Variants in PALS2 observed in about 807,000 individuals in gnomAD.
PALS2 encodes the protein protein associated with LIN7 2, MAGUK p55 family member, also known as protein PALS2.
A neutral mutation model predicts 61.6 loss-of-function variants in PALS2; 27 were observed. That is an observed-to-expected ratio of 0.44 (90% CI 0.32 to 0.60). The LOEUF (loss-of-function observed/expected upper bound fraction) is 0.60, where lower values mean the gene tolerates loss of function less well. PALS2 is among the 20% of genes least tolerant of loss of function. The pLI, the probability that PALS2 is intolerant of heterozygous loss-of-function variation, is 0.05. For synonymous variants in PALS2, 236 were observed against 218.6 expected (o/e 1.08, Z -0.70); for missense variants, 554 against 639.4 (o/e 0.87, Z 1.44).
In PALS2 at chr7:24,675,174, C is replaced by T. The variant is rs146819575; in HGVS notation, c.1115-3957C>T. ...ATTTCTCTAAGAATTAAGATTCCCT[C>T]AGCATGGAGGTAGAGGTAATACATG... On this transcript the variant is annotated intron_variant, in intron 9 of 11. Coordinates refer to ENST00000222644, the MANE Select transcript of PALS2 (RefSeq NM_001303037.2). Among the ~76,000 whole-genome samples the T allele has an allele frequency of 3.0e-3, 461 of 152,186 alleles. 1 individual carries two copies. The highest frequency in any genetic ancestry group is 5.1e-3 in the Non-Finnish European group (349 of 67,982).
At chr7:24,639,818 T>A (rs1268228202) in intron 2 of PALS2, among the ~76,000 whole-genome samples, 1 of 126,370 alleles carries the variant, frequency 7.9e-6, no homozygotes, top group Non-Finnish European at 1.7e-5. Flanking sequence ...AGTCTAATTT[T>A]TTTTTTTTTT....
At chr7:24,626,823 T>G (rs924149340) in intron 2 of PALS2, among the ~76,000 whole-genome samples, 5 of 152,210 alleles carry the variant, frequency 3.3e-5, no homozygotes, top group African/African-American at 1.2e-4. Flanking sequence ...AAGAGCTAAC[T>G]ATCCTAAGTA....
Position 24,661,555 on chromosome 7 carries a change from C to CT in PALS2, c.652-2034dup, listed in dbSNP as rs570980601. 3.9e-3 allele frequency among the ~76,000 whole-genome samples: 593 copies of CT among 152,246 alleles called. 3 individuals are homozygous for CT. Among genetic ancestry groups the CT allele is most frequent in the African/African-American group, 0.013 (550 of 41,556 alleles). The stretch of plus-strand genomic sequence containing the variant: ...ATGGTTAGATGACAGGATTCTCTTG[C>CT]TATTCTTCAATCACTGCATCTTTCT... On this transcript the variant is annotated intron_variant, in intron 5 of 11. Coordinates refer to ENST00000222644, the MANE Select transcript of PALS2 (RefSeq NM_001303037.2).
At chr7:24,676,027 A>G (rs1202315000) in intron 9 of PALS2, among the ~76,000 whole-genome samples, 2 of 148,444 alleles carry the variant, frequency 1.3e-5, no homozygotes, top group Non-Finnish European at 3.0e-5. Context: ...AAGTGTTCCT[A>G]TTTCTCCACA....
intron 5 of PALS2, among the ~76,000 whole-genome samples, chr7:24,662,548 G>T (rs959624704): frequency 9.9e-5 from 15 of 152,120 alleles, no homozygotes; most frequent in South Asian, 8.3e-4. Context: ...GTGGGCAGAT[G>T]ACTTGAGATC....
Position 24,641,805 on chromosome 7 carries a change from T to C in PALS2, c.207T>C (p.Pro69=). ...LVNEILEDIT[P]LINVDENVAE... Reference sequence around the variant, plus strand: ...ATGAAATTCTTGAAGACATCACTCCTCTAATAAATGTGGATGAAAATGTGG... The same window carrying C: ...ATGAAATTCTTGAAGACATCACTCCCCTAATAAATGTGGATGAAAATGTGG... Residue 69 remains proline (P), a synonymous_variant, in exon 3 of 12, where the codon CCT becomes CCC. Transcript: ENST00000222644. 1.2e-6 allele frequency: 2 copies of C among 1,613,046 alleles called. No homozygotes were observed. Among genetic ancestry groups the C allele is most frequent in the Non-Finnish European group, 1.7e-6 (2 of 1,179,524 alleles).
chr7:24,682,836 G>A (rs1788004423), intron 11 of PALS2, among the ~76,000 whole-genome samples: 1 of 151,984 alleles, frequency 6.6e-6, no homozygotes, highest in African/African-American at 2.4e-5. Flanking sequence ...ATGTTCCATA[G>A]TCTGGATTTT....
intron 11 of PALS2, among the ~76,000 whole-genome samples, chr7:24,683,814 G>C (rs1000300666): frequency 9.2e-5 from 14 of 152,112 alleles, no homozygotes; most frequent in Non-Finnish European, 1.9e-4. Context: ...AATTTATTCT[G>C]ATATTTTCCA....
chr7:24,606,562 A>G, intron 1 of PALS2, among the ~76,000 whole-genome samples: 1 of 152,254 alleles, frequency 6.6e-6, no homozygotes, highest in Non-Finnish European at 1.5e-5. Flanking sequence ...ATAAAATAGA[A>G]TAGCATTTAT....
At chr7:24,621,008 A>C (rs1283343351) in intron 1 of PALS2, among the ~76,000 whole-genome samples, 2 of 152,220 alleles carry the variant, frequency 1.3e-5, no homozygotes, top group Admixed American at 1.3e-4. Flanking sequence ...AAAATAAATA[A>C]TGGGAAGTAC....
At chr7:24,677,755 C>T (rs1562661660) in intron 9 of PALS2, among the ~76,000 whole-genome samples, 1 of 152,086 alleles carries the variant, frequency 6.6e-6, no homozygotes, top group Non-Finnish European at 1.5e-5. Context: ...ATATGAAAAG[C>T]CATCATAGCA....
intron 3 of PALS2, 59 bp from the exon 4 acceptor site, chr7:24,649,553 T>C (rs1037394598): frequency 2.8e-6 from 4 of 1,422,124 alleles, no homozygotes; most frequent in Admixed American, 2.5e-5. Flanking sequence ...AAAGTACTTT[T>C]AGTAACAAAT....
chr7:24,629,799 A>G (rs1456608315), intron 2 of PALS2, among the ~76,000 whole-genome samples: 6 of 152,242 alleles, frequency 3.9e-5, no homozygotes, highest in Non-Finnish European at 7.3e-5. Context: ...CACCAGTTAG[A>G]ATGGTGATCA....
chr7:24,685,919 T>C (rs1325726695), intron 11 of PALS2, among the ~76,000 whole-genome samples: 1 of 152,176 alleles, frequency 6.6e-6, no homozygotes, highest in African/African-American at 2.4e-5. Flanking sequence ...ATGCTAATGA[T>C]TTATATACAG....
rs550996009 is a variant in PALS2, at chr7:24,677,122, T to C, written c.1115-2009T>C. Among the ~76,000 whole-genome samples the C allele has an allele frequency of 6.0e-5, 9 of 150,884 alleles. No individual in the cohort carries two copies. In the East Asian group the frequency reaches 1.7e-3, roughly 29 times the overall value. ...TTGTAAGTTGGATTCCTAGGTATTT[T>C]ATTCCTTTGAAGCAATTGTGAATGG... On this transcript the variant is annotated intron_variant, in intron 9 of 11. Coordinates refer to ENST00000222644, the MANE Select transcript of PALS2 (RefSeq NM_001303037.2).
Position 24,650,495 on chromosome 7 carries a change from T to G in PALS2, c.434T>G (p.Phe145Cys). The change falls in exon 5 of 12, where the codon TTT becomes TGT. Residue 145 changes from phenylalanine to cysteine, a missense_variant. By Grantham distance (205) the Phe-to-Cys change is radical (BLOSUM62 -2). Transcript: ENST00000222644. Reference protein sequence around the residue: ...KRAGEPLGVTFRVENNDLVIA... With the variant: ...KRAGEPLGVTCRVENNDLVIA... ...TCTTATTTTTCATAGGGTGTGACATTTAGGGTTGAAAATAATGATCTGGTA... is the reference window on the plus strand; with the variant it reads ...TCTTATTTTTCATAGGGTGTGACATGTAGGGTTGAAAATAATGATCTGGTA... 1 of 1,598,892 alleles carries G rather than the reference T, an allele frequency of 6.3e-7. No individual in the cohort carries two copies. The highest frequency in any genetic ancestry group is 1.1e-5 in the South Asian group (1 of 87,232).
intron 2 of PALS2, among the ~76,000 whole-genome samples, chr7:24,629,626 A>C (rs1400059967): frequency 6.6e-6 from 1 of 151,202 alleles, no homozygotes; most frequent in Admixed American, 6.6e-5. Flanking sequence ...GGAACTTAAA[A>C]ATTTACAAGA....
chr7:24,655,814 C>T (rs966541093), intron 5 of PALS2, among the ~76,000 whole-genome samples: 1 of 151,660 alleles, frequency 6.6e-6, no homozygotes, highest in Non-Finnish European at 1.5e-5. Flanking sequence ...GTGTGTGCCA[C>T]CATGCCTGGC....
intron 1 of PALS2, among the ~76,000 whole-genome samples, chr7:24,597,695 G>C (rs1783573942): frequency 1.3e-5 from 2 of 152,136 alleles, no homozygotes; most frequent in African/African-American, 2.4e-5. Context: ...TTGTAGAGGA[G>C]GAAGGGCATA....
Sources: allele counts gnomAD v4.1 joint callset (sites outside exome capture counted in the v4.1 genomes callset), GRCh38; gene constraint gnomAD v4.1.1; transcripts MANE v1.5; gene names NCBI Gene and HGNC (gene_info 2026-07-23, HGNC 2026-07-21).